LONRF2: variants seen among roughly 807,000 people sequenced by gnomAD.
LONRF2 encodes LON peptidase N-terminal domain and ring finger 2.
In LONRF2, 35 loss-of-function variants were observed where a neutral mutation model predicts 66.6. The observed-to-expected ratio is 0.53, with a 90% CI of 0.40 to 0.70. LONRF2 has a LOEUF of 0.70. LONRF2 is among the 30% of genes least tolerant of loss of function. The pLI, the probability that LONRF2 is intolerant of heterozygous loss-of-function variation, is 0.00. For missense variants in LONRF2, 902 were observed against 1,002.1 expected (o/e 0.90, Z 1.35); for synonymous variants, 417 against 418.1 (o/e 1.00, Z 0.03).
At chr2:100,289,201 G>A (rs1460527361) in intron 10 of LONRF2, among the ~76,000 whole-genome samples, 8 of 152,128 alleles carry the variant, frequency 5.3e-5, no homozygotes, top group African/African-American at 1.4e-4. Context: ...CACATTTAAC[G>A]GAAACCAGTC....
At chr2:100,310,334 T>C (rs1230728906) in intron 1 of LONRF2, among the ~76,000 whole-genome samples, 5 of 152,230 alleles carry the variant, frequency 3.3e-5, no homozygotes, top group Non-Finnish European at 7.3e-5. Flanking sequence ...GCTACAGCTA[T>C]GCATTTTAGT....
rs542430975 is a variant in LONRF2, at chr2:100,298,732, GTTTC to G, written c.1476+100_1476+103del. On this transcript the variant is annotated intron_variant, in intron 7 of 11. Transcript: ENST00000393437. Reference sequence around the variant, plus strand: ...CCTATCTTTGATTGGAGAAATCTCAGTTTCTTTAACAACTGGGTGGGGGAAGCAA... The same window carrying G: ...CCTATCTTTGATTGGAGAAATCTCAGTTTAACAACTGGGTGGGGGAAGCAA... The G allele has an allele frequency of 1.7e-4, 131 of 765,936 alleles. No homozygotes were observed. In the African/African-American group the frequency reaches 2.0e-3, roughly 12 times the overall value. The allele number at this position is 765,936 out of a possible 1,614,324, so 47.4% of individuals were successfully genotyped here. A position where few individuals can be genotyped will look rare whatever the true frequency, so the allele number is the denominator to read the frequency against.
intron 2 of LONRF2, among the ~76,000 whole-genome samples, chr2:100,307,942 C>CT (rs5832905): frequency 0.51 from 76,791 of 151,320 alleles, 19,775 homozygotes; most frequent in East Asian, 0.76. Context: ...GGAGTCTAAA[C>CT]TTTTTTTTTA....
At chr2:100,288,182 A>T (rs1674885439) in intron 10 of LONRF2, among the ~76,000 whole-genome samples, 1 of 152,110 alleles carries the variant, frequency 6.6e-6, no homozygotes, top group Non-Finnish European at 1.5e-5. Flanking sequence ...GAGAATTATC[A>T]CTTTCAGCTG....
chr2:100,300,503 T>C, intron 4 of LONRF2, 141 bp downstream of exon 4: 2 of 711,706 alleles, frequency 2.8e-6, no homozygotes, highest in African/African-American at 3.6e-5. Context: ...AACTCCCAGG[T>C]TGAGGAGCTA....
Position 100,321,434 on chromosome 2 carries a change from G to T in LONRF2, c.660C>A (p.Cys220Ter). The T allele has an allele frequency of 2.0e-6, 3 of 1,485,402 alleles. No individual in the cohort carries two copies. The highest frequency in any genetic ancestry group is 2.7e-6 in the Non-Finnish European group (3 of 1,128,038). The allele number at this position is 1,485,402 out of a possible 1,614,324, so 92.0% of individuals were successfully genotyped here. Residue 220 changes from cysteine to a stop codon, truncating the protein, a stop_gained, in exon 1 of 12, where the codon TGC becomes TGA. Coordinates refer to ENST00000393437, the MANE Select transcript of LONRF2 (RefSeq NM_198461.4). LOFTEE classifies it high-confidence loss of function. ...QQQPEAALLR[C>*]DQALELAPDD... ...ACTCACCCAGCTCCAGGGCCTGGTC[G>T]CACCTGAGCAGCGCGGCCTCCGGCT...
intron 1 of LONRF2, among the ~76,000 whole-genome samples, chr2:100,309,882 A>G (rs1429150739): frequency 6.6e-6 from 1 of 152,118 alleles, no homozygotes; most frequent in Admixed American, 6.5e-5. Flanking sequence ...CATGTTGGCC[A>G]GGCTGGTGTC....
intron 1 of LONRF2, among the ~76,000 whole-genome samples, chr2:100,320,307 C>T (rs987582433): frequency 1.3e-5 from 2 of 152,108 alleles, no homozygotes; most frequent in Non-Finnish European, 1.5e-5. Flanking sequence ...AAAAAATATG[C>T]CTGTTAAAGT....
intron 2 of LONRF2, 71 bp downstream of exon 2, chr2:100,309,036 C>T: frequency 1.9e-6 from 2 of 1,035,072 alleles, no homozygotes; most frequent in Non-Finnish European, 2.8e-6. Context: ...TCACAATAAT[C>T]TTACTTTTGT....
Position 100,308,125 on chromosome 2 carries a change from T to C in LONRF2, c.798+982A>G, listed in dbSNP as rs192435074. Among the ~76,000 whole-genome samples, 268 of 152,184 alleles carry C rather than the reference T, an allele frequency of 1.8e-3. 3 individuals are homozygous for C. Among genetic ancestry groups the C allele is most frequent in the African/African-American group, 5.7e-3 (235 of 41,528 alleles). Reference sequence around the variant, plus strand: ...TGGCTCACGCCTGTAATCCCAGCACTTTGGGAGGCTGAGGCAGGCAGATCA... The same window carrying C: ...TGGCTCACGCCTGTAATCCCAGCACCTTGGGAGGCTGAGGCAGGCAGATCA... On this transcript the variant is annotated intron_variant, in intron 2 of 11. Transcript: ENST00000393437.
chr2:100,321,688 C>G lies in LONRF2; in HGVS notation c.406G>C (p.Ala136Pro). Residue 136 changes from alanine (A) to proline (P), a missense_variant, in exon 1 of 12, where the codon GCG becomes CCG. Coordinates refer to ENST00000393437, the MANE Select transcript of LONRF2 (RefSeq NM_198461.4). Reference protein sequence around the residue: ...GEGGPAPEPRAPRDLLGCPRC... With the variant: ...GEGGPAPEPRPPRDLLGCPRC... ...GGGCAGCCGAGCAGGTCGCGGGGCGCGCGGGGCTCCGGGGCCGGCCCTCCC... is the reference window on the plus strand; with the variant it reads ...GGGCAGCCGAGCAGGTCGCGGGGCGGGCGGGGCTCCGGGGCCGGCCCTCCC... 8.1e-7 allele frequency: 1 copy of G among 1,238,880 alleles called. No individual in the cohort carries two copies. The highest frequency in any genetic ancestry group is 1.0e-6 in the Non-Finnish European group (1 of 995,030). 76.7% of individuals were successfully genotyped at this position (1,238,880 alleles called of 1,614,324 possible).
intron 1 of LONRF2, 72 bp downstream of exon 1, chr2:100,321,343 C>G (rs1247911606): frequency 3.4e-5 from 43 of 1,282,210 alleles, no homozygotes; most frequent in Admixed American, 8.2e-5. Context: ...TCGGGCCCAC[C>G]GGCCAGCTCC....
chr2:100,303,003 C>A lies in LONRF2; in HGVS notation c.839G>T (p.Arg280Ile), dbSNP rs2105727655. The A allele has an allele frequency of 6.2e-7, 1 of 1,610,566 alleles. No homozygotes were observed. The highest frequency in any genetic ancestry group is 8.5e-7 in the Non-Finnish European group (1 of 1,178,034). Residue 280 changes from arginine to isoleucine, a missense_variant, in exon 3 of 12, where the codon AGA becomes ATA. Transcript: ENST00000393437. ...VKAQALSGLG[R>I]SKEVLKEFLY... ...AAATTCCTTTAACACTTCCTTACTT[C>A]TTCCCAATCCAGAAAGAGCCTGAGC...
Position 100,311,645 on chromosome 2 carries a change from A to G in LONRF2, c.680-2420T>C, listed in dbSNP as rs77385943. 7.9e-3 allele frequency among the ~76,000 whole-genome samples: 1,206 copies of G among 152,264 alleles called. 9 individuals carry two copies. Among genetic ancestry groups the G allele is most frequent in the Middle Eastern group, 0.02 (6 of 294 alleles). On this transcript the variant is annotated intron_variant, in intron 1 of 11. Coordinates refer to ENST00000393437, the MANE Select transcript of LONRF2 (RefSeq NM_198461.4). ...TCTCTTATTCTTGAATTTAAAAAGCATGTGTCTAATGTTTTAACATAAAAT... is the reference window on the plus strand; with the variant it reads ...TCTCTTATTCTTGAATTTAAAAAGCGTGTGTCTAATGTTTTAACATAAAAT...
In LONRF2 at chr2:100,287,023, T is replaced by A; in HGVS notation, c.1961A>T (p.Asp654Val). Residue 654 changes from aspartate to valine, a missense_variant, in exon 11 of 12, where the codon GAT becomes GTT. Coordinates refer to ENST00000393437, the MANE Select transcript of LONRF2 (RefSeq NM_198461.4). Reference protein sequence around the residue: ...PEYEELAALHDSVHQQSVSWF... With the variant: ...PEYEELAALHVSVHQQSVSWF... ...GGAAACAGACTGTTGATGCACAGAA[T>A]CGTGGAGAGCGGCAAGTTCTTCATA... 1 of 1,614,166 alleles carries A rather than the reference T, an allele frequency of 6.2e-7. No individual in the cohort carries two copies. The highest frequency in any genetic ancestry group is 2.2e-5 in the East Asian group (1 of 44,876).
At chr2:100,296,207 CGTGT>C (rs1344759523) in intron 7 of LONRF2, among the ~76,000 whole-genome samples, 1 of 151,850 alleles carries the variant, frequency 6.6e-6, no homozygotes, top group Non-Finnish European at 1.5e-5. Flanking sequence ...TGTGTGTGCG[CGTGT>C]GTATGTGTGC....
Position 100,272,409 on chromosome 2 carries a change from C to T in LONRF2, c.*11889G>A, listed in dbSNP as rs1674516656. Among the ~76,000 whole-genome samples, 1 of 152,084 alleles carries T rather than the reference C, an allele frequency of 6.6e-6. No homozygotes were observed. Among genetic ancestry groups the T allele is most frequent in the Non-Finnish European group, 1.5e-5 (1 of 68,012 alleles). ...AGCTACTCAGAAGGTTGAGGCAGGA[C>T]AATCCTTTGAACCCAAGAGGTTGAG... On this transcript the variant is annotated 3_prime_UTR_variant, in exon 12 of 12. Transcript: ENST00000393437.
chr2:100,303,158 T>C (rs1230602057), intron 2 of LONRF2, 115 bp from the exon 3 acceptor site: 8 of 1,112,894 alleles, frequency 7.2e-6, no homozygotes, highest in African/African-American at 1.6e-5. Context: ...TCACATTACA[T>C]AGAATAAACA....
Position 100,299,818 on chromosome 2 carries a change from C to A in LONRF2, c.1166G>T (p.Ser389Ile). ...AGCGCTGGGTGCTGTTGGAAGGATG[C>A]TTTCTAACGCCTTTTTATCCTCTTC... ...HFEEDKKALESILPTAPSAGL... is the reference protein window; with the variant it reads ...HFEEDKKALEIILPTAPSAGL... Residue 389 changes from serine (S) to isoleucine (I), a missense_variant, in exon 5 of 12, where the codon AGC becomes ATC. Ser to Ile is a moderately radical substitution (Grantham distance 142). Coordinates refer to ENST00000393437, the MANE Select transcript of LONRF2 (RefSeq NM_198461.4). The A allele has an allele frequency of 6.2e-7, 1 of 1,613,746 alleles. No homozygotes were observed. Among genetic ancestry groups the A allele is most frequent in the Non-Finnish European group, 8.5e-7 (1 of 1,179,778 alleles).
Sources: gnomAD v4.1 joint callset for allele counts (sites outside exome capture counted in the v4.1 genomes callset) on GRCh38, gnomAD v4.1.1 for gene constraint, MANE v1.5 for transcripts, NCBI Gene and HGNC (gene_info 2026-07-23, HGNC 2026-07-21) for gene names.